Variants in TLK2 observed in about 807,000 individuals in gnomAD.
The protein encoded by TLK2 is tousled like kinase 2.
A neutral mutation model predicts 117.3 loss-of-function variants in TLK2; 6 were observed. The ratio of observed to expected loss-of-function variants is 0.05; its 90% CI spans 0.03 to 0.10. The LOEUF is 0.10. TLK2 is among the 10% of genes least tolerant of loss of function. TLK2 has a pLI of 1.00. For synonymous variants in TLK2, 257 were observed against 316.7 expected, an observed-to-expected ratio of 0.81 and a Z score of 2.00; for missense variants, 299 against 901.2, an observed-to-expected ratio of 0.33 and a Z score of 8.56.
intron 1 of TLK2, among the ~76,000 whole-genome samples, chr17:62,480,628 A>T (rs9675252): frequency 0.96 from 146,525 of 152,300 alleles, 70,742 homozygotes; most frequent in East Asian, 1. Flanking sequence ...TATAATAGTG[A>T]TTTTGCAGTT....
chr17:62,588,623 C>A (rs1306954897), intron 16 of TLK2, among the ~76,000 whole-genome samples: 1 of 152,126 alleles, frequency 6.6e-6, no homozygotes, highest in Non-Finnish European at 1.5e-5. Flanking sequence ...TTGTGACCTT[C>A]ATTCTTGCTT....
chr17:62,562,602 G>A (rs929422973), intron 10 of TLK2, among the ~76,000 whole-genome samples: 2 of 152,084 alleles, frequency 1.3e-5, no homozygotes, highest in South Asian at 2.1e-4. Context: ...TAAAACCAGC[G>A]TGAGATAGTA....
intron 6 of TLK2, among the ~76,000 whole-genome samples, chr17:62,528,507 C>G (rs1326513724): frequency 2.6e-5 from 4 of 152,004 alleles, no homozygotes; most frequent in Non-Finnish European, 4.4e-5. Flanking sequence ...ACCTCAGCCT[C>G]CCGGGTTCAA....
At position 62,576,714 on chromosome 17, in the gene TLK2, C is replaced by T; in HGVS notation, c.1127C>T (p.Thr376Met). Reference sequence around the variant, plus strand: ...CTTTTACCACTGTTTTTCAGGTTAACGTTAGCAGAATACCATGAACAAGAA... The same window carrying T: ...CTTTTACCACTGTTTTTCAGGTTAATGTTAGCAGAATACCATGAACAAGAA... ...KTNGAENETL[T>M]LAEYHEQEEI... Residue 376 changes from threonine (T) to methionine (M), a missense_variant, in exon 13 of 22, where the codon ACG (threonine) becomes ATG (methionine). Coordinates refer to ENST00000346027, the MANE Select transcript of TLK2 (RefSeq NM_006852.6). 6.2e-7 allele frequency: 1 copy of T among 1,612,866 alleles called. No homozygotes were observed. Among genetic ancestry groups the T allele is most frequent in the Non-Finnish European group, 8.5e-7 (1 of 1,179,214 alleles).
intron 11 of TLK2, among the ~76,000 whole-genome samples, chr17:62,572,451 C>T (rs1307072234): frequency 1.3e-5 from 2 of 151,542 alleles, no homozygotes; most frequent in Non-Finnish European, 2.9e-5. Context: ...TTTATTGGTC[C>T]CTAATTTGTA....
At chr17:62,474,487 G>C, upstream of TLK2, among the ~76,000 whole-genome samples, 1 of 151,558 alleles carries the variant, frequency 6.6e-6, no homozygotes, top group Non-Finnish European at 1.5e-5. Context: ...TCGGCTTACT[G>C]CAAGCTCCAC....
rs1189218201 is a variant in TLK2, at chr17:62,614,360, AT to A, written c.*1796del. The A allele has an allele frequency of 6.6e-6, 1 of 152,202 alleles. No individual in the cohort carries two copies. Among genetic ancestry groups the A allele is most frequent in the Non-Finnish European group, 1.5e-5 (1 of 68,058 alleles). 9.4% of individuals were successfully genotyped at this position (152,202 alleles called of 1,614,324 possible). ...CGCCAGCTTGGAATGTTACTGACATATGTGGCGAGGGCTTAGCCAGAAATAT... is the reference window on the plus strand; with the variant it reads ...CGCCAGCTTGGAATGTTACTGACATAGTGGCGAGGGCTTAGCCAGAAATAT... On this transcript the variant is annotated 3_prime_UTR_variant, in exon 22 of 22. Coordinates refer to ENST00000346027, the MANE Select transcript of TLK2 (RefSeq NM_006852.6).
chr17:62,489,408 C>T (rs933781602), intron 2 of TLK2, among the ~76,000 whole-genome samples: 4 of 152,092 alleles, frequency 2.6e-5, no homozygotes, highest in Non-Finnish European at 5.9e-5. Context: ...GGGGTTTCAT[C>T]ATGTTGGCCA....
intron 9 of TLK2, among the ~76,000 whole-genome samples, chr17:62,559,391 T>A (rs370549297): frequency 1.5e-4 from 23 of 152,004 alleles, no homozygotes; most frequent in South Asian, 4.1e-4. Flanking sequence ...TTTTATTTTT[T>A]TTTTTGAGAT....
intron 2 of TLK2, among the ~76,000 whole-genome samples, chr17:62,504,697 A>C (rs977243445): frequency 1.3e-5 from 2 of 152,106 alleles, no homozygotes; most frequent in African/African-American, 4.8e-5. Flanking sequence ...AGTCTCAGCT[A>C]CTTGGGAGGC....
At chr17:62,597,571 C>G (rs187584675) in intron 17 of TLK2, among the ~76,000 whole-genome samples, 5 of 152,156 alleles carry the variant, frequency 3.3e-5, no homozygotes, top group African/African-American at 4.8e-5. Flanking sequence ...TTAAAAAGTA[C>G]TGGCCGTGTG....
At chr17:62,580,246 C>A in intron 15 of TLK2, 54 bp downstream of exon 15, 2 of 1,348,778 alleles carry the variant, frequency 1.5e-6, no homozygotes, top group Non-Finnish European at 2.1e-6. Flanking sequence ...CGGCTCCTAC[C>A]AACTTGGAGA....
chr17:62,552,736 T>C (rs1419249623), intron 8 of TLK2, among the ~76,000 whole-genome samples: 1 of 152,058 alleles, frequency 6.6e-6, no homozygotes, highest in African/African-American at 2.4e-5. Flanking sequence ...TAAGTTCAGA[T>C]TCTGGCCTGG....
intron 7 of TLK2, chr17:62,549,880 G>A (rs947269403): frequency 1.3e-5 from 2 of 150,720 alleles, no homozygotes; most frequent in African/African-American, 4.9e-5. Context: ...ATGTTGGCCA[G>A]GCTGGTCTTC....
intron 21 of TLK2, among the ~76,000 whole-genome samples, chr17:62,609,150 C>A (rs144699217): frequency 1.3e-5 from 2 of 152,128 alleles, no homozygotes; most frequent in Non-Finnish European, 2.9e-5. Context: ...GGCATTATCA[C>A]GGCTCACCAC....
intron 19 of TLK2, among the ~76,000 whole-genome samples, chr17:62,605,853 A>G (rs1414629677): frequency 6.6e-6 from 1 of 151,656 alleles, no homozygotes; most frequent in Admixed American, 6.6e-5. Context: ...AATTTTTTTT[A>G]AAAACTACCC....
intron 2 of TLK2, among the ~76,000 whole-genome samples, chr17:62,484,962 CAGG>C (rs2072167112): frequency 6.6e-6 from 1 of 152,146 alleles, no homozygotes; most frequent in African/African-American, 2.4e-5. Context: ...GAGGCTGAGG[CAGG>C]AGAATGGCTG....
At chr17:62,494,652 C>G (rs1030835437) in intron 2 of TLK2, among the ~76,000 whole-genome samples, 5 of 152,126 alleles carry the variant, frequency 3.3e-5, no homozygotes, top group African/African-American at 1.2e-4. Flanking sequence ...GATTCACCTG[C>G]CTTGGCCTCC....
intron 11 of TLK2, among the ~76,000 whole-genome samples, chr17:62,572,144 C>A (rs1008614419): frequency 6.6e-6 from 1 of 150,596 alleles, no homozygotes; most frequent in Non-Finnish European, 1.5e-5. Context: ...GCCACTGCAT[C>A]CCAGCCTGGG....
Sources: gnomAD v4.1 joint callset for allele counts (sites outside exome capture counted in the v4.1 genomes callset) on GRCh38, gnomAD v4.1.1 for gene constraint, MANE v1.5 for transcripts, NCBI Gene and HGNC (gene_info 2026-07-23, HGNC 2026-07-21) for gene names.